The following CLASP2 variants were observed in gnomAD, a reference collection of about 807,000 sequenced individuals.
CLASP2 encodes cytoplasmic linker associated protein 2, also known as CLIP-associating protein 2.
A neutral mutation model predicts 194.4 loss-of-function variants in CLASP2; 47 were observed. The ratio of observed to expected loss-of-function variants is 0.24; its 90% confidence interval spans 0.19 to 0.31. The LOEUF (loss-of-function observed/expected upper bound fraction) is 0.31. Among genes scored for constraint, CLASP2 ranks in the 10% least tolerant of loss-of-function variants. The pLI is 1.00. For synonymous variants in CLASP2, 619 were observed against 633.5 expected (o/e 0.98, Z 0.34); for missense variants, 1,445 against 1,823.6 (o/e 0.79, Z 3.78).
chr3:33,671,319 A>G (rs982231871), intron 6 of CLASP2, among the ~76,000 whole-genome samples: 2 of 152,210 alleles, frequency 1.3e-5, no homozygotes, highest in Non-Finnish European at 2.9e-5. Context: ...CTGATACATC[A>G]TGTCCAACTA....
chr3:33,639,921 C>T (rs983768799), intron 8 of CLASP2, among the ~76,000 whole-genome samples: 2 of 152,266 alleles, frequency 1.3e-5, no homozygotes, highest in Admixed American at 6.5e-5. Flanking sequence ...ACTGAGTTCT[C>T]GTCTCATCTC....
At chr3:33,529,295 C>T (rs1401058952) in intron 34 of CLASP2, among the ~76,000 whole-genome samples, 1 of 152,168 alleles carries the variant, frequency 6.6e-6, no homozygotes, top group Non-Finnish European at 1.5e-5. Flanking sequence ...CTACCAACGA[C>T]ATTCTTCACA....
Position 33,594,974 on chromosome 3 carries a change from T to C in CLASP2, c.1949-6A>G, listed in dbSNP as rs978182620. ...ACCATCTTCAGATGCTGTTCCTAAA[T>C]AAGAAAAATAAAACAACATTTCAAC... On this transcript the variant is annotated splice_region_variant and splice_polypyrimidine_tract_variant and intron_variant, in intron 19 of 38. Transcript: ENST00000682230. The C allele has an allele frequency of 2.0e-5, 28 of 1,430,862 alleles. No homozygotes were observed. The highest frequency in any genetic ancestry group is 2.2e-5 in the Non-Finnish European group (24 of 1,070,750). 88.6% of individuals were successfully genotyped at this position (1,430,862 alleles called of 1,614,324 possible).
intron 12 of CLASP2, among the ~76,000 whole-genome samples, chr3:33,616,627 T>C (rs1262462886): frequency 6.6e-6 from 1 of 151,324 alleles, no homozygotes; most frequent in Non-Finnish European, 1.5e-5. Context: ...TAATCTAATA[T>C]ACTATATCCA....
chr3:33,585,202 T>C (rs530646306), intron 21 of CLASP2, among the ~76,000 whole-genome samples: 394 of 152,352 alleles, frequency 2.6e-3, no homozygotes, highest in Non-Finnish European at 4.9e-3. Context: ...TTATTATAAT[T>C]TTTAGAACAC....
At chr3:33,647,558 G>C (rs888083176) in intron 7 of CLASP2, among the ~76,000 whole-genome samples, 1 of 152,098 alleles carries the variant, frequency 6.6e-6, no homozygotes, top group Non-Finnish European at 1.5e-5. Context: ...ATACACATAC[G>C]GCCTTTCCAT....
intron 13 of CLASP2, among the ~76,000 whole-genome samples, chr3:33,610,541 T>A (rs950253055): frequency 2.6e-5 from 4 of 152,218 alleles, no homozygotes; most frequent in Admixed American, 2.6e-4. Context: ...GATTTTGTCT[T>A]CTGTCACATT....
intron 2 of CLASP2, among the ~76,000 whole-genome samples, chr3:33,692,559 C>A (rs982457093): frequency 1.2e-4 from 18 of 152,308 alleles, no homozygotes; most frequent in African/African-American, 4.3e-4. Context: ...ATTCCTAACT[C>A]TACCAGTTAC....
At chr3:33,665,816 T>C (rs967379748) in intron 6 of CLASP2, among the ~76,000 whole-genome samples, 9 of 152,168 alleles carry the variant, frequency 5.9e-5, no homozygotes, top group Admixed American at 6.5e-5. Flanking sequence ...AGATGATTAT[T>C]ATACATATAA....
chr3:33,549,545 T>C (rs541986487), intron 30 of CLASP2, among the ~76,000 whole-genome samples: 1 of 152,296 alleles, frequency 6.6e-6, no homozygotes, highest in East Asian at 1.9e-4. Context: ...CTTTCTATTA[T>C]TGACTCTAAT....
chr3:33,713,365 T>C (rs1394125786), intron 1 of CLASP2, among the ~76,000 whole-genome samples: 1 of 152,142 alleles, frequency 6.6e-6, no homozygotes, highest in Non-Finnish European at 1.5e-5. Context: ...TATGCATATG[T>C]AACAAGGTGA....
Position 33,513,239 on chromosome 3 carries a change from A to C in CLASP2, c.4111-2475T>G, listed in dbSNP as rs182860338. ...ACACGGTTGAATAAAACAAAAACAA[A>C]AACAGAAAACAAAACTGGGTCAGGC... On this transcript the variant is annotated intron_variant, in intron 36 of 38. Transcript: ENST00000682230. Among the ~76,000 whole-genome samples the C allele has an allele frequency of 5.0e-3, 758 of 152,236 alleles. 9 individuals are homozygous for C. Among genetic ancestry groups the C allele is most frequent in the African/African-American group, 0.018 (737 of 41,532 alleles).
intron 1 of CLASP2, among the ~76,000 whole-genome samples, chr3:33,697,925 C>G (rs1204087633): frequency 6.6e-6 from 1 of 152,170 alleles, no homozygotes; most frequent in Non-Finnish European, 1.5e-5. Context: ...AAACTATTTA[C>G]AACTGAGTGT....
At chr3:33,502,109 A>C (rs895710401) in intron 37 of CLASP2, 2 of 185,362 alleles carry the variant, frequency 1.1e-5, no homozygotes, top group Admixed American at 5.8e-5. Flanking sequence ...GGCAGTCAGC[A>C]CTCCTCACTA....
At chr3:33,553,107 C>T (rs1273557805) in intron 29 of CLASP2, among the ~76,000 whole-genome samples, 2 of 152,070 alleles carry the variant, frequency 1.3e-5, no homozygotes, top group African/African-American at 4.8e-5. Context: ...GTTTTTTCTT[C>T]CCTTACTATC....
intron 9 of CLASP2, among the ~76,000 whole-genome samples, chr3:33,630,469 T>A (rs2078883509): frequency 6.6e-6 from 1 of 151,874 alleles, no homozygotes; most frequent in Non-Finnish European, 1.5e-5. Context: ...CACAAAGTAA[T>A]AATGAGGAGT....
In CLASP2 at chr3:33,603,089, C is replaced by G. The variant is rs747926848; in HGVS notation, c.1787G>C (p.Gly596Ala). 3.1e-6 allele frequency: 5 copies of G among 1,589,822 alleles called. No homozygotes were observed. The East Asian group carries it at 9.1e-5, about 29-fold the overall frequency. Residue 596 changes from glycine (G) to alanine (A), a missense_variant, in exon 18 of 39, where the codon GGA (glycine) becomes GCA (alanine). By Grantham distance (60) the Gly-to-Ala change is moderately conservative. Transcript: ENST00000682230. ...GTCACTTCGTGAACGCTGCAGGCTT[C>G]CTGGAAGGGAACTGGCTTTGCTGCT... Reference protein sequence around the residue: ...AGSSKASSLPGSLQRSRSDID... With the variant: ...AGSSKASSLPASLQRSRSDID...
chr3:33,554,268 A>G (rs1191049128), intron 29 of CLASP2, among the ~76,000 whole-genome samples: 2 of 151,846 alleles, frequency 1.3e-5, no homozygotes, highest in East Asian at 3.9e-4. Context: ...AGTGTCTATC[A>G]ATGGTTGTAA....
intron 10 of CLASP2, among the ~76,000 whole-genome samples, chr3:33,624,494 A>C (rs1011885715): frequency 6.6e-6 from 1 of 152,128 alleles, no homozygotes; most frequent in Admixed American, 6.6e-5. Context: ...AGAAAAAGAC[A>C]AATATAGTAG....
Sources: gnomAD v4.1 joint callset for allele counts (sites outside exome capture counted in the v4.1 genomes callset) on GRCh38, gnomAD v4.1.1 for gene constraint, MANE v1.5 for transcripts, NCBI Gene and HGNC (gene_info 2026-07-23, HGNC 2026-07-21) for gene names.